Variants in GNRH1 observed in about 807,000 individuals in gnomAD.
GNRH1 encodes progonadoliberin-1.
A neutral mutation model predicts 13.6 loss-of-function variants in GNRH1; 9 were observed. The ratio of observed to expected loss-of-function variants is 0.66; its 90% CI spans 0.40 to 1.15. The LOEUF is 1.15. Ranked by LOEUF, GNRH1 falls within the 50% of genes most tolerant of loss-of-function variation. The pLI, the probability that GNRH1 is intolerant of heterozygous loss-of-function variation, is 0.01. For missense variants in GNRH1, 116 were observed against 110.8 expected (o/e 1.05, Z -0.21); for synonymous variants, 44 against 40.1 (o/e 1.10, Z -0.37).
chr8:25,424,410 G>C (rs545188105), upstream of GNRH1: 1 of 150,566 alleles, frequency 6.6e-6, no homozygotes, highest in Non-Finnish European at 1.5e-5. Flanking sequence ...CCCTTTAATG[G>C]TGTATGTAAT....
At chr8:25,420,942 T>C (rs952224326) in intron 3 of GNRH1, among the ~76,000 whole-genome samples, 1 of 152,234 alleles carries the variant, frequency 6.6e-6, no homozygotes, top group African/African-American at 2.4e-5. Context: ...ATTCTCTTTA[T>C]ACTTTTTCAT....
Position 25,419,397 on chromosome 8 carries a change from C to G in GNRH1, c.*22G>C. 2 of 1,319,774 alleles carry G rather than the reference C, an allele frequency of 1.5e-6. No homozygotes were observed. Among genetic ancestry groups the G allele is most frequent in the African/African-American group, 1.4e-5 (1 of 69,370 alleles). 81.8% of individuals were successfully genotyped at this position (1,319,774 alleles called of 1,614,324 possible). A position where few individuals can be genotyped will look rare whatever the true frequency, so the allele number is the denominator to read the frequency against. The stretch of plus-strand genomic sequence containing the variant: ...ATACTTAAGTCATGTTAGTAATGGT[C>G]ATTCCTTCTGGCCCAATGGATTTAA... On this transcript the variant is annotated 3_prime_UTR_variant, in exon 4 of 4. Coordinates refer to ENST00000421054, the MANE Select transcript of GNRH1 (RefSeq NM_001083111.2).
At chr8:25,422,409 G>A (rs1035773469) in intron 2 of GNRH1, among the ~76,000 whole-genome samples, 3 of 152,136 alleles carry the variant, frequency 2.0e-5, no homozygotes, top group Admixed American at 6.5e-5. Flanking sequence ...TTAGTTGGGT[G>A]TGATAGTGCA....
upstream of GNRH1, chr8:25,424,460 G>A (rs539452470): frequency 6.6e-6 from 1 of 151,788 alleles, no homozygotes; most frequent in South Asian, 2.1e-4. Flanking sequence ...TTACTTAAGT[G>A]CAGCCATTAA....
Position 25,423,316 on chromosome 8 carries a change from T to C in GNRH1, c.15A>G (p.Gln5=), listed in dbSNP as rs1563241441. 6 of 1,613,274 alleles carry C rather than the reference T, an allele frequency of 3.7e-6. No individual in the cohort carries two copies. The East Asian group carries it at 6.7e-5, about 18-fold the overall frequency. ...GTAGAATAAGGCCAGCTAGGAGTTT[T>C]TGAATTGGCTTCATTCTAAGGCACA... MKPI[Q]KLLAGLILLT... The change falls in exon 2 of 4, where the codon CAA becomes CAG. Residue 5 remains glutamine, a synonymous_variant. Coordinates refer to ENST00000421054, the MANE Select transcript of GNRH1 (RefSeq NM_001083111.2).
At chr8:25,421,516 G>A in intron 3 of GNRH1, 57 bp downstream of exon 3, 1 of 910,356 alleles carries the variant, frequency 1.1e-6, no homozygotes, top group South Asian at 1.4e-5. Context: ...GATCCCCAAA[G>A]GCTTATCCAC....
chr8:25,421,201 T>C (rs1801767958), intron 3 of GNRH1, among the ~76,000 whole-genome samples: 1 of 152,156 alleles, frequency 6.6e-6, no homozygotes, highest in South Asian at 2.1e-4. Flanking sequence ...TGGAGGGCTG[T>C]GGAGTAGCCT....
At chr8:25,421,753 T>TGG in intron 2 of GNRH1, 85 bp from the exon 3 acceptor site, 3 of 268,496 alleles carry the variant, frequency 1.1e-5, no homozygotes, top group East Asian at 9.1e-5. Context: ...TTGTGGAGAG[T>TGG]GGGGTCAAGG....
intron 3 of GNRH1, among the ~76,000 whole-genome samples, chr8:25,419,710 C>T (rs906589095): frequency 1.3e-5 from 2 of 151,936 alleles, no homozygotes; most frequent in Admixed American, 6.6e-5. Context: ...CAACCTCCAC[C>T]TTCCAGGTTC....
intron 3 of GNRH1, among the ~76,000 whole-genome samples, chr8:25,420,828 G>A (rs1273996001): frequency 2.0e-5 from 3 of 152,162 alleles, no homozygotes; most frequent in Non-Finnish European, 4.4e-5. Context: ...GGGAGGTTGA[G>A]GCTGTGGTGA....
In GNRH1 at chr8:25,419,428, C is replaced by A. The variant is rs372089839; in HGVS notation, c.270G>T (p.Lys90Asn). The change falls in exon 4 of 4, where the codon AAG becomes AAT. Residue 90 changes from lysine (K) to asparagine (N), a missense_variant. Physicochemically the swap from Lys to Asn is moderately conservative, Grantham distance 94. Transcript: ENST00000421054. ...ESLIEEETGQKKI is the reference protein window; with the variant it reads ...ESLIEEETGQNKI ...TTCTGGCCCAATGGATTTAAATCTT[C>A]TTCTGCCCAGTTTCCTCTTCAATCA... 2.0e-4 allele frequency: 297 copies of A among 1,490,520 alleles called. No individual in the cohort carries two copies. Among genetic ancestry groups the A allele is most frequent in the Non-Finnish European group, 2.3e-4 (241 of 1,067,554 alleles). The allele number at this position is 1,490,520 out of a possible 1,614,324, so 92.3% of individuals were successfully genotyped here.
intron 2 of GNRH1, 76 bp downstream of exon 2, chr8:25,423,114 G>T (rs1017796506): frequency 2.8e-6 from 3 of 1,062,882 alleles, no homozygotes; most frequent in African/African-American, 3.1e-5. Flanking sequence ...ATTGACATTG[G>T]GGCTATCCTG....
At position 25,423,529 on chromosome 8, in the gene GNRH1, A is replaced by C. The variant is rs550371061; in HGVS notation, c.-1-198T>G. The C allele has an allele frequency of 8.5e-5, 52 of 608,208 alleles. No homozygotes were observed. The African/African-American group carries it at 9.4e-4, about 11-fold the overall frequency. 37.7% of individuals were successfully genotyped at this position (608,208 alleles called of 1,614,324 possible). The stretch of plus-strand genomic sequence containing the variant: ...TTAGTTTCTTAGCCACTGGGGACAA[A>C]ATGAGTACTTAAGCTCACATGTTCA... On this transcript the variant is annotated intron_variant, in intron 1 of 3. Transcript: ENST00000421054.
At chr8:25,420,141 C>T (rs995217926) in intron 3 of GNRH1, among the ~76,000 whole-genome samples, 3 of 152,070 alleles carry the variant, frequency 2.0e-5, no homozygotes, top group African/African-American at 4.8e-5. Flanking sequence ...ATAGGCTGGG[C>T]GTGGTGGCTC....
chr8:25,419,423 A>G lies in GNRH1; in HGVS notation c.275T>C (p.Ile92Thr), dbSNP rs1563239916. The G allele has an allele frequency of 2.7e-6, 4 of 1,476,884 alleles. No homozygotes were observed. Among genetic ancestry groups the G allele is most frequent in the Non-Finnish European group, 2.8e-6 (3 of 1,054,964 alleles). 91.5% of individuals were successfully genotyped at this position (1,476,884 alleles called of 1,614,324 possible). A position where few individuals can be genotyped will look rare whatever the true frequency, so the allele number is the denominator to read the frequency against. Residue 92 changes from isoleucine (I) to threonine (T), a missense_variant, in exon 4 of 4, where the codon ATT becomes ACT. Ile to Thr is a moderately conservative substitution (Grantham distance 89). Transcript: ENST00000421054. Reference sequence around the variant, plus strand: ...ATTCCTTCTGGCCCAATGGATTTAAATCTTCTTCTGCCCAGTTTCCTCTTC... The same window carrying G: ...ATTCCTTCTGGCCCAATGGATTTAAGTCTTCTTCTGCCCAGTTTCCTCTTC... ...LIEEETGQKK[I>T] is the part of the protein sequence containing the mutation.
At position 25,420,026 on chromosome 8, in the gene GNRH1, T is replaced by A. The variant is rs574639386; in HGVS notation, c.238-566A>T. ...AAAAAAGTCTGGTCAATTACTTTGCTATTAAACCAGCCTTTGCTTCAATTT... is the reference window on the plus strand; with the variant it reads ...AAAAAAGTCTGGTCAATTACTTTGCAATTAAACCAGCCTTTGCTTCAATTT... On this transcript the variant is annotated intron_variant, in intron 3 of 3. Transcript: ENST00000421054. Among the ~76,000 whole-genome samples, 151 of 152,348 alleles carry A rather than the reference T, an allele frequency of 9.9e-4. 2 individuals carry two copies. The South Asian group carries it at 0.031, about 31-fold the overall frequency.
intron 3 of GNRH1, 59 bp downstream of exon 3, chr8:25,421,514 A>T (rs1469739559): frequency 4.5e-6 from 4 of 897,822 alleles, no homozygotes; most frequent in Non-Finnish European, 7.4e-6. Flanking sequence ...GTGATCCCCA[A>T]AGGCTTATCC....
chr8:25,420,306 C>T (rs368262991), intron 3 of GNRH1, among the ~76,000 whole-genome samples: 2 of 151,724 alleles, frequency 1.3e-5, no homozygotes, highest in African/African-American at 2.4e-5. Context: ...CTCAGCTACT[C>T]GGGAGGCTGA....
At chr8:25,423,088 T>C in intron 2 of GNRH1, 102 bp downstream of exon 2, 2 of 913,030 alleles carry the variant, frequency 2.2e-6, no homozygotes, top group South Asian at 2.6e-5. Context: ...GCATCTAGGG[T>C]ACAACATCAT....
Sources: allele counts gnomAD v4.1 joint callset (sites outside exome capture counted in the v4.1 genomes callset), GRCh38; gene constraint gnomAD v4.1.1; transcripts MANE v1.5; gene names NCBI Gene and HGNC (gene_info 2026-07-23, HGNC 2026-07-21).